The following XKR4 variants were observed in gnomAD, a reference collection of about 807,000 sequenced individuals.
XKR4 encodes the protein XK-related protein 4.
In XKR4, 12 loss-of-function variants were observed where a neutral mutation model predicts 53.9. That is an observed-to-expected ratio of 0.22 (90% CI 0.14 to 0.36). XKR4 has a LOEUF of 0.36. Ranked by LOEUF, XKR4 falls within the 10% of genes least tolerant of loss-of-function variation. XKR4 has a pLI of 1.00. For synonymous variants in XKR4, 354 were observed against 362.4 expected (o/e 0.98, Z 0.26); for missense variants, 799 against 859.5 (o/e 0.93, Z 0.88).
intron 2 of XKR4, among the ~76,000 whole-genome samples, chr8:55,378,459 T>C (rs1207993639): frequency 3.3e-5 from 5 of 152,160 alleles, no homozygotes; most frequent in African/African-American, 4.8e-5. Flanking sequence ...CTGGGTCTCA[T>C]AATAAAAGAA....
chr8:55,298,357 T>C (rs1819129155), intron 1 of XKR4, among the ~76,000 whole-genome samples: 1 of 152,162 alleles, frequency 6.6e-6, no homozygotes, highest in Non-Finnish European at 1.5e-5. Context: ...TAAAGGAATA[T>C]CTGAGACTGG....
At position 55,435,047 on chromosome 8, in the gene XKR4, A is replaced by G. The variant is rs145943528; in HGVS notation, c.1006+77170A>G. On this transcript the variant is annotated intron_variant, in intron 2 of 2. Coordinates refer to ENST00000327381, the MANE Select transcript of XKR4 (RefSeq NM_052898.2). ...CTAAGAAATGTTCATGCTTTTGGAA[A>G]CAGGGCCACTCATACACACACAATG... 6.3e-3 allele frequency among the ~76,000 whole-genome samples: 961 copies of G among 152,332 alleles called. 5 individuals are homozygous for G. Among genetic ancestry groups the G allele is most frequent in the African/African-American group, 0.021 (873 of 41,574 alleles).
chr8:55,451,004 C>T (rs2939632), intron 2 of XKR4: 76,839 of 529,216 alleles, frequency 0.15, 7,462 homozygotes, highest in East Asian at 0.37. Flanking sequence ...CCTTCAGCAG[C>T]TTTTTGAAGC....
intron 1 of XKR4, among the ~76,000 whole-genome samples, chr8:55,338,696 G>A (rs1803499880): frequency 6.6e-6 from 1 of 152,206 alleles, no homozygotes; most frequent in Non-Finnish European, 1.5e-5. Flanking sequence ...TGAACTGGGA[G>A]GCTGGCCGCA....
At chr8:55,269,196 T>A (rs914804701) in intron 1 of XKR4, among the ~76,000 whole-genome samples, 1 of 152,198 alleles carries the variant, frequency 6.6e-6, no homozygotes, top group Non-Finnish European at 1.5e-5. Flanking sequence ...TACATTTTTT[T>A]AAATAAACTT....
At chr8:55,156,391 G>A (rs923504678) in intron 1 of XKR4, among the ~76,000 whole-genome samples, 7 of 140,434 alleles carry the variant, frequency 5.0e-5, no homozygotes, top group Admixed American at 7.5e-5. Flanking sequence ...GACGCTGCGC[G>A]CATAGTCACG....
At chr8:55,291,959 T>A (rs535741470) in intron 1 of XKR4, among the ~76,000 whole-genome samples, 134 of 152,280 alleles carry the variant, frequency 8.8e-4, no homozygotes, top group African/African-American at 3.2e-3. Flanking sequence ...GATTCTTCCT[T>A]CATGGCCTAT....
chr8:55,285,491 G>A (rs1818895901), intron 1 of XKR4, among the ~76,000 whole-genome samples: 1 of 152,046 alleles, frequency 6.6e-6, no homozygotes, highest in Admixed American at 6.5e-5. Flanking sequence ...GCATGACAGA[G>A]GAGAGAAGGA....
chr8:55,529,140 C>T lies in XKR4; in HGVS notation c.*4913C>T, dbSNP rs949900339. The T allele has an allele frequency of 5.9e-5, 9 of 151,472 alleles. No individual in the cohort carries two copies. The highest frequency in any genetic ancestry group is 5.9e-4 in the Admixed American group (9 of 15,150). 9.4% of individuals were successfully genotyped at this position (151,472 alleles called of 1,614,324 possible). ...GGAATTGTATAAAAACATAATGAGC[C>T]ATTTAATTTTGCTAATTGAAGCAAT... On this transcript the variant is annotated 3_prime_UTR_variant, in exon 3 of 3. Transcript: ENST00000327381.
chr8:55,131,100 G>C (rs1816547971), intron 1 of XKR4, among the ~76,000 whole-genome samples: 1 of 151,914 alleles, frequency 6.6e-6, no homozygotes, highest in South Asian at 2.1e-4. Context: ...CGGAGGTTGA[G>C]GTGAGCTGAG....
chr8:55,307,313 G>C (rs1819317398), intron 1 of XKR4, among the ~76,000 whole-genome samples: 1 of 152,056 alleles, frequency 6.6e-6, no homozygotes, highest in Non-Finnish European at 1.5e-5. Flanking sequence ...AACAACCTAA[G>C]TACAAATTGG....
intron 2 of XKR4, among the ~76,000 whole-genome samples, chr8:55,389,412 C>T (rs1804411762): frequency 2.6e-5 from 4 of 151,962 alleles, no homozygotes; most frequent in Admixed American, 2.6e-4. Flanking sequence ...TCAGAAGGCC[C>T]CAGATTATTA....
chr8:55,195,680 C>T (rs898470305), intron 1 of XKR4, among the ~76,000 whole-genome samples: 7 of 152,060 alleles, frequency 4.6e-5, no homozygotes, highest in African/African-American at 1.2e-4. Context: ...AAAATGATGT[C>T]AATTATATGT....
intron 1 of XKR4, among the ~76,000 whole-genome samples, chr8:55,356,609 A>T (rs1803799514): frequency 6.6e-6 from 1 of 152,060 alleles, no homozygotes; most frequent in East Asian, 1.9e-4. Flanking sequence ...TGTAAATGTG[A>T]TCACAATATT....
At chr8:55,359,435 C>T (rs972488079) in intron 2 of XKR4, among the ~76,000 whole-genome samples, 18 of 152,248 alleles carry the variant, frequency 1.2e-4, no homozygotes, top group African/African-American at 4.1e-4. Flanking sequence ...GCATATAATG[C>T]CAGGTATATG....
chr8:55,357,998 T>C (rs1489824780), intron 2 of XKR4, 121 bp downstream of exon 2: 2 of 972,054 alleles, frequency 2.1e-6, no homozygotes, highest in Admixed American at 2.8e-5. Context: ...TCTGCTGTTT[T>C]ACATGTGTTT....
chr8:55,403,013 C>T (rs1041297502), intron 2 of XKR4, among the ~76,000 whole-genome samples: 2 of 152,144 alleles, frequency 1.3e-5, no homozygotes, highest in Non-Finnish European at 2.9e-5. Flanking sequence ...GGTTCCCATC[C>T]TACGACACTC....
intron 1 of XKR4, among the ~76,000 whole-genome samples, chr8:55,268,633 G>A (rs1818644807): frequency 6.6e-6 from 1 of 152,100 alleles, no homozygotes; most frequent in Non-Finnish European, 1.5e-5. Flanking sequence ...AGATAGTTAG[G>A]AAGACAATTA....
In XKR4 at chr8:55,461,732, A is replaced by T. The variant is rs190303760; in HGVS notation, c.1007-61549A>T. Among the ~76,000 whole-genome samples, 1,506 of 152,324 alleles carry T rather than the reference A, an allele frequency of 9.9e-3. 8 individuals carry two copies. Among genetic ancestry groups the T allele is most frequent in the Non-Finnish European group, 0.017 (1,142 of 68,028 alleles). ...AAATAAGTTAAAAACTTTGAAAAAAATTAGACGAATGGATAACTAGAATAA... is the reference window on the plus strand; with the variant it reads ...AAATAAGTTAAAAACTTTGAAAAAATTTAGACGAATGGATAACTAGAATAA... On this transcript the variant is annotated intron_variant, in intron 2 of 2. Coordinates refer to ENST00000327381, the MANE Select transcript of XKR4 (RefSeq NM_052898.2).
Sources: gnomAD v4.1 joint callset for allele counts (sites outside exome capture counted in the v4.1 genomes callset) on GRCh38, gnomAD v4.1.1 for gene constraint, MANE v1.5 for transcripts, NCBI Gene and HGNC (gene_info 2026-07-23, HGNC 2026-07-21) for gene names.